UNC93B1: variants seen among roughly 807,000 people sequenced by gnomAD.
UNC93B1 encodes protein unc-93 homolog B1.
In UNC93B1, 33 loss-of-function variants were observed where a neutral mutation model predicts 56.8. That is an observed-to-expected ratio of 0.58 (90% confidence interval 0.44 to 0.78). The LOEUF (loss-of-function observed/expected upper bound fraction) is 0.78. Among genes scored for constraint, UNC93B1 ranks in the 30% least tolerant of loss-of-function variants. The pLI is 0.00. For synonymous variants in UNC93B1, 334 were observed against 358.6 expected (o/e 0.93, Z 0.77); for missense variants, 673 against 819.5 (o/e 0.82, Z 2.18).
In UNC93B1 at chr11:67,999,311, C is replaced by T. The variant is rs1260511312; in HGVS notation, c.555-6G>A. On this transcript the variant is annotated splice_polypyrimidine_tract_variant and splice_region_variant and intron_variant, in intron 4 of 10. Coordinates refer to ENST00000227471, the MANE Select transcript of UNC93B1 (RefSeq NM_030930.4). ...CATGGTACTTCTGCGCCATCCTGGA[C>T]CACAAAGGAGAGAAGGCTCTCCCCA... The T allele has an allele frequency of 1.9e-6, 3 of 1,610,658 alleles. No homozygotes were observed. The highest frequency in any genetic ancestry group is 1.1e-5 in the South Asian group (1 of 90,512).
intron 3 of UNC93B1, among the ~76,000 whole-genome samples, chr11:68,000,838 T>C (rs1262330681): frequency 1.3e-5 from 2 of 152,088 alleles, no homozygotes; most frequent in African/African-American, 2.4e-5. Flanking sequence ...AACACCATGG[T>C]TTCTTCATGT....
At chr11:68,001,822 G>A (rs1438674351) in intron 3 of UNC93B1, among the ~76,000 whole-genome samples, 1 of 152,182 alleles carries the variant, frequency 6.6e-6, no homozygotes, top group Non-Finnish European at 1.5e-5. Flanking sequence ...GAAGGCTGTA[G>A]AGTAGGCTAA....
chr11:67,995,405 G>A (rs533877036), intron 9 of UNC93B1, among the ~76,000 whole-genome samples: 3 of 152,044 alleles, frequency 2.0e-5, no homozygotes, highest in African/African-American at 7.2e-5. Context: ...CTACCCATCT[G>A]TCCCCAGTGT....
At chr11:67,996,050 C>G in intron 8 of UNC93B1, 166 bp from the exon 9 acceptor site, 1 of 469,726 alleles carries the variant, frequency 2.1e-6, no homozygotes, top group Non-Finnish European at 3.6e-6. Flanking sequence ...GGTGCCTCAC[C>G]CCCCTGCGAT....
At chr11:67,997,618 G>A (rs1368552022) in intron 7 of UNC93B1, 57 bp downstream of exon 7, 10 of 1,593,728 alleles carry the variant, frequency 6.3e-6, no homozygotes, top group Middle Eastern at 4.4e-4. Flanking sequence ...TCGCAGACTC[G>A]GTCCCCAGAA....
Position 68,003,876 on chromosome 11 carries a change from C to A in UNC93B1, c.96+72G>T, listed in dbSNP as rs562344290. On this transcript the variant is annotated intron_variant, in intron 1 of 10. Coordinates refer to ENST00000227471, the MANE Select transcript of UNC93B1 (RefSeq NM_030930.4). This position sits in a 1 kb window ranked among gnomAD's most constrained non-coding sequence, Gnocchi z 4.4. ...CCCCGGTGCCCGCCGCCCCCCGGCC[C>A]GCCCCGCCCCCGCCGGGGGGACCCT... The A allele has an allele frequency of 4.0e-5, 51 of 1,286,234 alleles. No individual in the cohort carries two copies. The highest frequency in any genetic ancestry group is 3.0e-4 in the Middle Eastern group (1 of 3,364). 79.7% of individuals were successfully genotyped at this position (1,286,234 alleles called of 1,614,324 possible).
chr11:68,002,914 C>T (rs3751085), intron 3 of UNC93B1, 108 bp downstream of exon 3: 239,187 of 1,401,966 alleles, frequency 0.17, 21,117 homozygotes, highest in Non-Finnish European at 0.18. Context: ...CTCCCTTGTT[C>T]CCTCGCCCCA....
In UNC93B1 at chr11:67,996,746, C is replaced by A. The variant is rs1348489602; in HGVS notation, c.945G>T (p.Glu315Asp). The A allele has an allele frequency of 1.3e-6, 2 of 1,561,556 alleles. No individual in the cohort carries two copies. Among genetic ancestry groups the A allele is most frequent in the Non-Finnish European group, 1.7e-6 (2 of 1,152,608 alleles). Residue 315 changes from glutamate to aspartate, a missense_variant, in exon 8 of 11, where the codon GAG (glutamate) becomes GAT (aspartate). Around this residue, in one of 3 missense-constraint regions of UNC93B1, gnomAD observed 438 missense variants for 465.9 expected, o/e 0.94. Coordinates refer to ENST00000227471, the MANE Select transcript of UNC93B1 (RefSeq NM_030930.4). ...AGCCCACGCTGCGCAGATCGATCTC[C>A]TCCGTGGGCCGGTAAGCGGCTCCGC... ...GLCGAAYRPT[E>D]EIDLRSVGWG... is the part of the protein sequence containing the mutation.
At position 68,003,309 on chromosome 11, in the gene UNC93B1, G is replaced by T; in HGVS notation, c.239-134C>A. 8.5e-7 allele frequency: 1 copy of T among 1,179,070 alleles called. No individual in the cohort carries two copies. The highest frequency in any genetic ancestry group is 1.1e-6 in the Non-Finnish European group (1 of 876,040). 73.0% of individuals were successfully genotyped at this position (1,179,070 alleles called of 1,614,324 possible). ...CCCGCTGACAGCGCCCCTCAGGACA[G>T]CGGGGTTCCCGGGCTGCGCCACGCC... On this transcript the variant is annotated intron_variant, in intron 2 of 10. Transcript: ENST00000227471. The surrounding 1 kb of genome is among the most constrained non-coding windows in gnomAD (Gnocchi z 4.4).
At chr11:68,002,887 C>G (rs1476165050) in intron 3 of UNC93B1, 135 bp downstream of exon 3, 5 of 1,203,848 alleles carry the variant, frequency 4.2e-6, no homozygotes, top group East Asian at 6.1e-5. Flanking sequence ...CTCAGGCTTC[C>G]GGGTAGAAAA....
rs1310108344 is a variant in UNC93B1 at position 67,997,813 on chromosome 11, G to A, written c.782-14C>T. The A allele has an allele frequency of 1.9e-6, 3 of 1,603,596 alleles. No homozygotes were observed. The highest frequency in any genetic ancestry group is 2.5e-6 in the Non-Finnish European group (3 of 1,178,808). ...GGCTGTTGGTGCCTGGGAAGGGTGG[G>A]GGTGAGGGCACCGTGAGCAGAGAGT... On this transcript the variant is annotated splice_polypyrimidine_tract_variant and intron_variant, in intron 6 of 10. Transcript: ENST00000227471.
At position 68,003,750 on chromosome 11, in the gene UNC93B1, C is replaced by T; in HGVS notation, c.145G>A (p.Glu49Lys). 3 of 1,504,720 alleles carry T rather than the reference C, an allele frequency of 2.0e-6. No homozygotes were observed. The highest frequency in any genetic ancestry group is 2.7e-6 in the Non-Finnish European group (3 of 1,131,122). 93.2% of individuals were successfully genotyped at this position (1,504,720 alleles called of 1,614,324 possible). Residue 49 changes from glutamate to lysine, a missense_variant, in exon 2 of 11, where the codon GAG (glutamate) becomes AAG (lysine). Transcript: ENST00000227471. The surrounding 1 kb of genome is among the most constrained non-coding windows in gnomAD (Gnocchi z 4.4). ...AYPNYNEEEEERRYYRRKRLG... is the reference protein window; with the variant it reads ...AYPNYNEEEEKRRYYRRKRLG... ...CGCTTGCGGCGGTAGTAGCGGCGCT[C>T]CTCCTCCTCCTCGTTGTAGTTGGGG...
At chr11:67,996,911 G>A in intron 7 of UNC93B1, 127 bp from the exon 8 acceptor site, 2 of 1,195,580 alleles carry the variant, frequency 1.7e-6, no homozygotes, top group Non-Finnish European at 2.2e-6. Flanking sequence ...CCCAAACCAG[G>A]GCCCCGCCCC....
Position 67,999,669 on chromosome 11 carries a change from G to T in UNC93B1, c.404C>A (p.Thr135Lys). The T allele has an allele frequency of 6.2e-7, 1 of 1,611,360 alleles. No homozygotes were observed. Among genetic ancestry groups the T allele is most frequent in the Non-Finnish European group, 8.5e-7 (1 of 1,178,966 alleles). The change falls in exon 4 of 11, where the codon ACG (threonine) becomes AAG (lysine). Residue 135 changes from threonine (T) to lysine (K), a missense_variant. Transcript: ENST00000227471. The part of the protein sequence containing the change: ...YTPVLIRFFG[T>K]KWMMFLAVGI... ...CACAGCGAGGAACATCATCCACTTC[G>T]TTCCAAAAAACCTGCGGACAGTGGG...
Position 68,003,919 on chromosome 11 carries a change from C to A in UNC93B1, c.96+29G>T. ...GGGACCCTGGCCCACAGGGGACGCC[C>A]GCGCCTCGCACTCCGGGTCCCCGCT... On this transcript the variant is annotated intron_variant, in intron 1 of 10. Coordinates refer to ENST00000227471, the MANE Select transcript of UNC93B1 (RefSeq NM_030930.4). The surrounding 1 kb of genome is among the most constrained non-coding windows in gnomAD (Gnocchi z 4.4). 7.4e-7 allele frequency: 1 copy of A among 1,359,270 alleles called. No individual in the cohort carries two copies. The highest frequency in any genetic ancestry group is 9.5e-7 in the Non-Finnish European group (1 of 1,051,450). 84.2% of individuals were successfully genotyped at this position (1,359,270 alleles called of 1,614,324 possible).
intron 3 of UNC93B1, among the ~76,000 whole-genome samples, chr11:68,001,886 G>A (rs962179901): frequency 5.3e-5 from 8 of 152,134 alleles, no homozygotes; most frequent in African/African-American, 1.7e-4. Flanking sequence ...GCTCATGCCT[G>A]TAATCCCAGC....
intron 9 of UNC93B1, among the ~76,000 whole-genome samples, chr11:67,994,368 A>C (rs1028679402): frequency 3.9e-5 from 6 of 152,100 alleles, no homozygotes; most frequent in African/African-American, 1.4e-4. Context: ...GCTTTTCCCA[A>C]TGGTGAGATG....
In UNC93B1 at chr11:67,995,701, C is replaced by T. The variant is rs1856931466; in HGVS notation, c.1273G>A (p.Val425Met). 1.3e-6 allele frequency: 2 copies of T among 1,548,540 alleles called. No homozygotes were observed. Among genetic ancestry groups the T allele is most frequent in the Non-Finnish European group, 1.7e-6 (2 of 1,146,920 alleles). The change falls in exon 9 of 11, where the codon GTG becomes ATG. Residue 425 changes from valine (V) to methionine (M), a missense_variant. This residue lies in a region of UNC93B1 where 155 missense variants were observed against 268.3 expected (regional missense o/e 0.58). Coordinates refer to ENST00000227471, the MANE Select transcript of UNC93B1 (RefSeq NM_030930.4). ...CAGCTGTGTTGCAGGACCCGAGGCA[C>T]AGGGGCCCAGAAAAAGAGGATGAAG... ...LTFILFFWAP[V>M]PRVLQHSWIL...
Position 68,003,561 on chromosome 11 carries a change from A to C in UNC93B1, c.238+96T>G. 50 of 1,409,650 alleles carry C rather than the reference A, an allele frequency of 3.5e-5. No individual in the cohort carries two copies. Among genetic ancestry groups the C allele is most frequent in the Middle Eastern group, 2.5e-4 (1 of 3,958 alleles). 87.3% of individuals were successfully genotyped at this position (1,409,650 alleles called of 1,614,324 possible). A position where few individuals can be genotyped will look rare whatever the true frequency, so the allele number is the denominator to read the frequency against. Reference sequence around the variant, plus strand: ...GCAGCTGCGAGGGCAGCGGAGGGGAAGTGAGAGCGGGCGGGAGGCGGCGGC... The same window carrying C: ...GCAGCTGCGAGGGCAGCGGAGGGGACGTGAGAGCGGGCGGGAGGCGGCGGC... On this transcript the variant is annotated intron_variant, in intron 2 of 10. Transcript: ENST00000227471. This position sits in a 1 kb window ranked among gnomAD's most constrained non-coding sequence, Gnocchi z 4.4.
Sources: gnomAD v4.1 joint callset for allele counts (sites outside exome capture counted in the v4.1 genomes callset) on GRCh38, gnomAD v4.1.1 for gene constraint, gnomAD v4.1.1 regional missense constraint, Gnocchi (gnomAD v3.1) non-coding constraint, MANE v1.5 for transcripts, NCBI Gene and HGNC (gene_info 2026-07-23, HGNC 2026-07-21) for gene names.